Variants in WNT9A observed in about 807,000 individuals in gnomAD.
WNT9A encodes Wnt family member 9A.
In WNT9A, 8 loss-of-function variants were observed where a neutral mutation model predicts 31.4. The ratio of observed to expected loss-of-function variants is 0.26; its 90% CI spans 0.15 to 0.46. The LOEUF is 0.46. Ranked by LOEUF, WNT9A falls within the 20% of genes least tolerant of loss-of-function variation. The probability of loss-of-function intolerance (pLI) is 0.99; values close to 1 mark genes in which losing one functional copy is unlikely to be tolerated. For missense variants in WNT9A, 457 were observed against 522.9 expected (o/e 0.87, Z 1.23); for synonymous variants, 236 against 220.1 (o/e 1.07, Z -0.64).
chr1:227,941,998 G>A (rs898223228), intron 1 of WNT9A, among the ~76,000 whole-genome samples: 4 of 152,002 alleles, frequency 2.6e-5, no homozygotes, highest in East Asian at 1.9e-4. Context: ...GGAGGTATCC[G>A]TGCCTGTGTG....
At chr1:227,931,213 A>G (rs1441574754) in intron 1 of WNT9A, among the ~76,000 whole-genome samples, 1 of 151,986 alleles carries the variant, frequency 6.6e-6, no homozygotes, top group African/African-American at 2.4e-5. Flanking sequence ...TGTTCTGTGG[A>G]AGTTTGTCTT....
chr1:227,929,939 GC>G (rs1205882518), intron 1 of WNT9A, among the ~76,000 whole-genome samples: 5 of 152,318 alleles, frequency 3.3e-5, no homozygotes, highest in African/African-American at 9.6e-5. Context: ...CTTGACCTTG[GC>G]CTTCCAGCCT....
chr1:227,941,928 C>T (rs759892381), intron 1 of WNT9A, among the ~76,000 whole-genome samples: 48 of 152,116 alleles, frequency 3.2e-4, no homozygotes, highest in African/African-American at 2.4e-4. Context: ...GTCGCTTTCC[C>T]GCAGCCCCCA....
At chr1:227,944,480 G>A (rs527557628) in intron 1 of WNT9A, among the ~76,000 whole-genome samples, 3 of 152,190 alleles carry the variant, frequency 2.0e-5, no homozygotes, top group Non-Finnish European at 2.9e-5. Flanking sequence ...TCAAAATCAC[G>A]GGGCTGTATA....
intron 1 of WNT9A, among the ~76,000 whole-genome samples, chr1:227,937,111 G>A (rs1666607866): frequency 6.6e-6 from 1 of 152,186 alleles, no homozygotes; most frequent in Non-Finnish European, 1.5e-5. Flanking sequence ...TTTTAAATCA[G>A]GCCTTACTTA....
chr1:227,938,340 T>C (rs1197896982), intron 1 of WNT9A, among the ~76,000 whole-genome samples: 1 of 141,266 alleles, frequency 7.1e-6, no homozygotes, highest in Non-Finnish European at 1.5e-5. Flanking sequence ...CATACAAACC[T>C]ATACACACAG....
In WNT9A at chr1:227,942,825, C is replaced by A. The variant is rs1052939240; in HGVS notation, c.95+4968G>T. On this transcript the variant is annotated intron_variant, in intron 1 of 3. Coordinates refer to ENST00000272164, the MANE Select transcript of WNT9A (RefSeq NM_003395.4). The surrounding 1 kb of genome is among the most constrained non-coding windows in gnomAD (Gnocchi z 5.7). Reference sequence around the variant, plus strand: ...TCTCAGCTGCTCCCAAACCCCCCGGCCCACAGTGCTCAGAGCACCCGACCC... The same window carrying A: ...TCTCAGCTGCTCCCAAACCCCCCGGACCACAGTGCTCAGAGCACCCGACCC... 3.3e-5 allele frequency among the ~76,000 whole-genome samples: 5 copies of A among 152,196 alleles called. No individual in the cohort carries two copies. Among genetic ancestry groups the A allele is most frequent in the African/African-American group, 1.2e-4 (5 of 41,460 alleles).
intron 1 of WNT9A, among the ~76,000 whole-genome samples, chr1:227,934,718 T>C (rs1666561660): frequency 6.6e-6 from 1 of 152,202 alleles, no homozygotes; most frequent in Non-Finnish European, 1.5e-5. Context: ...TGTCATCATT[T>C]CAGTTGCTCC....
chr1:227,923,238 T>C (rs1013399145), intron 3 of WNT9A, among the ~76,000 whole-genome samples: 3 of 152,100 alleles, frequency 2.0e-5, no homozygotes, highest in Non-Finnish European at 4.4e-5. Context: ...GCCGGCTCTA[T>C]TTACCTTACC....
rs1572124543 is a variant in WNT9A at position 227,924,345 on chromosome 1, T to C, written c.408A>G (p.Ala136=). 1 of 1,613,484 alleles carries C rather than the reference T, an allele frequency of 6.2e-7. No individual in the cohort carries two copies. Among genetic ancestry groups the C allele is most frequent in the East Asian group, 2.2e-5 (1 of 44,852 alleles). ...GGCCCGCGCTGCACGCCTTGGCCAG[T>C]GCGTGCGTCAGGCCAGCCGAGGAGA... ...YAISSAGLTH[A]LAKACSAGRM... is the part of the protein sequence containing the mutation. Residue 136 remains alanine (A), a synonymous_variant, in exon 3 of 4, where the codon GCA becomes GCG. Transcript: ENST00000272164.
At chr1:227,935,852 C>T (rs1459453739) in intron 1 of WNT9A, among the ~76,000 whole-genome samples, 4 of 152,200 alleles carry the variant, frequency 2.6e-5, no homozygotes, top group Non-Finnish European at 4.4e-5. Context: ...CTGTGACCTA[C>T]CTAAGCCTGA....
chr1:227,930,523 C>CA (rs1471956320), intron 1 of WNT9A, among the ~76,000 whole-genome samples: 2 of 152,172 alleles, frequency 1.3e-5, no homozygotes, highest in Non-Finnish European at 2.9e-5. Context: ...GCCTGGGTGA[C>CA]AGACTGAGAC....
At chr1:227,945,596 C>T (rs1666781912) in intron 1 of WNT9A, among the ~76,000 whole-genome samples, 1 of 152,198 alleles carries the variant, frequency 6.6e-6, no homozygotes, top group African/African-American at 2.4e-5. Context: ...CCAGGCAGAG[C>T]TTTTGAGAGG....
Position 227,938,413 on chromosome 1 carries a change from A to C in WNT9A, c.95+9380T>G, listed in dbSNP as rs533777390. Reference sequence around the variant, plus strand: ...CACAAACCCCCTCACACACACACACACAAACACACCCATACGAACCCATAA... The same window carrying C: ...CACAAACCCCCTCACACACACACACCCAAACACACCCATACGAACCCATAA... On this transcript the variant is annotated intron_variant, in intron 1 of 3. Coordinates refer to ENST00000272164, the MANE Select transcript of WNT9A (RefSeq NM_003395.4). 3.9e-3 allele frequency among the ~76,000 whole-genome samples: 591 copies of C among 151,908 alleles called. 3 individuals carry two copies. Among genetic ancestry groups the C allele is most frequent in the Non-Finnish European group, 7.1e-3 (482 of 67,954 alleles).
At chr1:227,924,605 G>C (rs983472587) in intron 2 of WNT9A, among the ~76,000 whole-genome samples, 1 of 152,106 alleles carries the variant, frequency 6.6e-6, no homozygotes, top group Non-Finnish European at 1.5e-5. Context: ...AGGGCTGGCT[G>C]GGGGGAGAAA....
At chr1:227,922,475 G>C (rs956671440) in intron 3 of WNT9A, among the ~76,000 whole-genome samples, 8 of 152,214 alleles carry the variant, frequency 5.3e-5, no homozygotes, top group African/African-American at 1.9e-4. Flanking sequence ...CCTAATATCG[G>C]GAACCAGGTG....
rs1366348584 is a variant in WNT9A at position 227,921,125 on chromosome 1, T to A, written c.*393A>T. 1 of 237,600 alleles carries A rather than the reference T, an allele frequency of 4.2e-6. No individual in the cohort carries two copies. Among genetic ancestry groups the A allele is most frequent in the Admixed American group, 4.7e-5 (1 of 21,446 alleles). 14.7% of individuals were successfully genotyped at this position (237,600 alleles called of 1,614,324 possible). Reference sequence around the variant, plus strand: ...GTAGACCTTCTCACACCATGTGCAATGCCTGCACTCTGAGCAGCAGGGCTG... The same window carrying A: ...GTAGACCTTCTCACACCATGTGCAAAGCCTGCACTCTGAGCAGCAGGGCTG... On this transcript the variant is annotated 3_prime_UTR_variant, in exon 4 of 4. Coordinates refer to ENST00000272164, the MANE Select transcript of WNT9A (RefSeq NM_003395.4).
chr1:227,937,066 G>A (rs112310460), intron 1 of WNT9A, among the ~76,000 whole-genome samples: 1,990 of 152,228 alleles, frequency 0.013, 20 homozygotes, highest in Non-Finnish European at 0.02. Context: ...CCTATCTTCC[G>A]TTGTGCTAAT....
intron 3 of WNT9A, 109 bp from the exon 4 acceptor site, chr1:227,922,109 C>A: frequency 6.8e-7 from 1 of 1,470,084 alleles, no homozygotes; most frequent in Non-Finnish European, 9.0e-7. Flanking sequence ...CACCCAGGCC[C>A]AGGCCCTGCC....
Sources: gnomAD v4.1 joint callset for allele counts (sites outside exome capture counted in the v4.1 genomes callset) on GRCh38, gnomAD v4.1.1 for gene constraint, Gnocchi (gnomAD v3.1) non-coding constraint, MANE v1.5 for transcripts, NCBI Gene and HGNC (gene_info 2026-07-23, HGNC 2026-07-21) for gene names.